PCDHGB4: variants seen among roughly 807,000 people sequenced by gnomAD.
PCDHGB4 encodes protocadherin gamma-B4.
In PCDHGB4, 38 loss-of-function variants were observed where a neutral mutation model predicts 60.5. That is an observed-to-expected ratio of 0.63 (90% CI 0.48 to 0.82). PCDHGB4 has a LOEUF of 0.82. Among genes scored for constraint, PCDHGB4 ranks in the 40% least tolerant of loss-of-function variants. PCDHGB4 has a pLI of 0.00. For synonymous variants in PCDHGB4, 456 were observed against 509.7 expected (o/e 0.89, Z 1.42); for missense variants, 1,109 against 1,209.6 (o/e 0.92, Z 1.23).
chr5:141,485,009 C>A lies in PCDHGB4; in HGVS notation c.2398-9798C>A, dbSNP rs531346426. 4 of 628,216 alleles carry A rather than the reference C, an allele frequency of 6.4e-6. No individual in the cohort carries two copies. Among genetic ancestry groups the A allele is most frequent in the African/African-American group, 3.7e-5 (2 of 54,100 alleles). 38.9% of individuals were successfully genotyped at this position (628,216 alleles called of 1,614,324 possible). On this transcript the variant is annotated intron_variant, in intron 1 of 3. Transcript: ENST00000519479. This position sits in a 1 kb window ranked among gnomAD's most constrained non-coding sequence, Gnocchi z 5.7. Reference sequence around the variant, plus strand: ...GGTGGTGAAAGGCAGACAAATCTACCCCGCCACCAGCAAAAACGGCGCGTA... The same window carrying A: ...GGTGGTGAAAGGCAGACAAATCTACACCGCCACCAGCAAAAACGGCGCGTA...
In PCDHGB4 at chr5:141,476,499, TC is replaced by T; in HGVS notation, c.2398-18307del. 1 of 1,614,110 alleles carries T rather than the reference TC, an allele frequency of 6.2e-7. No individual in the cohort carries two copies. Among genetic ancestry groups the T allele is most frequent in the Non-Finnish European group, 8.5e-7 (1 of 1,180,020 alleles). ...AGCGTGGAAGTGGTGATCCAGGACATCAACGACAACAATCCTGCTTTCCCTA... is the reference window on the plus strand; with the variant it reads ...AGCGTGGAAGTGGTGATCCAGGACATAACGACAACAATCCTGCTTTCCCTA... On this transcript the variant is annotated intron_variant, in intron 1 of 3. Transcript: ENST00000519479. The surrounding 1 kb of genome is among the most constrained non-coding windows in gnomAD (Gnocchi z 7.6).
At chr5:141,392,799 T>A in intron 1 of PCDHGB4, 1 of 1,570,210 alleles carries the variant, frequency 6.4e-7, no homozygotes, top group Non-Finnish European at 8.6e-7. Flanking sequence ...GAGAGGATTC[T>A]GCAGCAAAAC....
chr5:141,409,102 G>T, intron 1 of PCDHGB4: 2 of 1,613,996 alleles, frequency 1.2e-6, no homozygotes, highest in Non-Finnish European at 8.5e-7. Flanking sequence ...AAACAGGTAT[G>T]ATTAAGAATA....
At position 141,431,525 on chromosome 5, in the gene PCDHGB4, G is replaced by A. The variant is rs1390184616; in HGVS notation, c.2397+41244G>A. The A allele has an allele frequency of 5.6e-6, 9 of 1,613,956 alleles. No individual in the cohort carries two copies. Among genetic ancestry groups the A allele is most frequent in the Non-Finnish European group, 7.6e-6 (9 of 1,180,044 alleles). ...CCGCGCGAGCGTTCCGGAGAATCTG[G>A]CCTTGGGCACGCAGCTGCTTGTAGT... On this transcript the variant is annotated intron_variant, in intron 1 of 3. Transcript: ENST00000519479. This position sits in a 1 kb window ranked among gnomAD's most constrained non-coding sequence, Gnocchi z 4.8.
chr5:141,422,188 C>T, intron 1 of PCDHGB4: 1 of 1,561,742 alleles, frequency 6.4e-7, no homozygotes. Context: ...GATGGAAATT[C>T]AAGGCCAAGA....
intron 1 of PCDHGB4, chr5:141,393,707 T>A: frequency 6.2e-7 from 1 of 1,613,882 alleles, no homozygotes; most frequent in African/African-American, 1.3e-5. Flanking sequence ...ATGAAAATAC[T>A]GGGGAAATAT....
chr5:141,398,945 T>G, intron 1 of PCDHGB4: 3 of 1,613,974 alleles, frequency 1.9e-6, no homozygotes, highest in Non-Finnish European at 2.5e-6. Context: ...GACGAGGGCA[T>G]CAACTCAGAA....
chr5:141,501,453 C>T (rs567794395), intron 2 of PCDHGB4, among the ~76,000 whole-genome samples: 1 of 152,094 alleles, frequency 6.6e-6, no homozygotes, highest in Non-Finnish European at 1.5e-5. Flanking sequence ...TTTTACTTTT[C>T]ACTATTCCCC....
intron 1 of PCDHGB4, chr5:141,430,441 C>A (rs1168234012): frequency 5.2e-6 from 1 of 192,346 alleles, no homozygotes; most frequent in Non-Finnish European, 1.0e-5. Flanking sequence ...GATTTCCATC[C>A]CCTTTTGAAG....
At chr5:141,430,589 G>A in intron 1 of PCDHGB4, 1 of 529,266 alleles carries the variant, frequency 1.9e-6, no homozygotes, top group Non-Finnish European at 3.1e-6. Context: ...TGCTCGCCTT[G>A]CACGCGCCTG....
At position 141,480,524 on chromosome 5, in the gene PCDHGB4, AAAG is replaced by A. The variant is rs1342230573; in HGVS notation, c.2398-14282_2398-14280del. Among the ~76,000 whole-genome samples, 4 of 127,792 alleles carry A rather than the reference AAAG, an allele frequency of 3.1e-5. No homozygotes were observed. The East Asian group carries it at 7.7e-4, about 25-fold the overall frequency. 83.8% of individuals were successfully genotyped at this position (127,792 alleles called of 152,430 possible). On this transcript the variant is annotated intron_variant, in intron 1 of 3. Transcript: ENST00000519479. Reference sequence around the variant, plus strand: ...ACATATGAGAACAACCAAAAATGACAAAGTAGAAGCACATATGAAAAGGCTAAG... The same window carrying A: ...ACATATGAGAACAACCAAAAATGACATAGAAGCACATATGAAAAGGCTAAG...
chr5:141,431,699 T>C lies in PCDHGB4; in HGVS notation c.2397+41418T>C. ...GGAGTTGGACCACGAGGAGTCAGGA[T>C]TCTACCAGATGGAAGTGCAAGCAAT... is the stretch of plus-strand genomic sequence containing the variant. On this transcript the variant is annotated intron_variant, in intron 1 of 3. Coordinates refer to ENST00000519479, the MANE Select transcript of PCDHGB4 (RefSeq NM_003736.4). The surrounding 1 kb of genome is among the most constrained non-coding windows in gnomAD (Gnocchi z 4.8). 6.2e-7 allele frequency: 1 copy of C among 1,614,222 alleles called. No individual in the cohort carries two copies. Among genetic ancestry groups the C allele is most frequent in the South Asian group, 1.1e-5 (1 of 91,074 alleles).
chr5:141,415,048 G>C lies in PCDHGB4; in HGVS notation c.2397+24767G>C, dbSNP rs535976406. The C allele has an allele frequency of 5.0e-5, 80 of 1,613,320 alleles. 1 individual carries two copies. The Admixed American group carries it at 6.0e-4, about 12-fold the overall frequency. ...CGAGCCGGGACTCTTCGCGGTGGGG[G>C]AGCACACGGGCGAGGTGCGCACGGC... is the stretch of plus-strand genomic sequence containing the variant. On this transcript the variant is annotated intron_variant, in intron 1 of 3. Transcript: ENST00000519479.
At chr5:141,506,649 T>C (rs1487823663) in intron 3 of PCDHGB4, among the ~76,000 whole-genome samples, 1 of 152,114 alleles carries the variant, frequency 6.6e-6, no homozygotes, top group Admixed American at 6.6e-5. Context: ...CAGCACAGGA[T>C]TGGCAGAGAG....
chr5:141,470,650 T>C (rs2099235744), intron 1 of PCDHGB4, among the ~76,000 whole-genome samples: 1 of 152,184 alleles, frequency 6.6e-6, no homozygotes, highest in Non-Finnish European at 1.5e-5. Context: ...TGAAGGCCCC[T>C]ACCCTTTGGT....
Position 141,510,964 on chromosome 5 carries a change from T to C in PCDHGB4, c.2563T>C (p.Ser855Pro), listed in dbSNP as rs1237904575. 6.2e-7 allele frequency: 1 copy of C among 1,614,084 alleles called. No individual in the cohort carries two copies. Among genetic ancestry groups the C allele is most frequent in the South Asian group, 1.1e-5 (1 of 91,082 alleles). The change falls in exon 4 of 4, where the codon TCC becomes CCC. Residue 855 changes from serine to proline, a missense_variant. Coordinates refer to ENST00000519479, the MANE Select transcript of PCDHGB4 (RefSeq NM_003736.4). ...CTCTGCAGAAGCTGCTGATGGGAGC[T>C]CCACCCTGGGAGGGGGTGCCGGCAC... is the stretch of plus-strand genomic sequence containing the variant. The part of the protein sequence containing the change: ...ASASEAADGS[S>P]TLGGGAGTMG...
At chr5:141,399,779 G>T in intron 1 of PCDHGB4, 2 of 1,613,282 alleles carry the variant, frequency 1.2e-6, no homozygotes, top group South Asian at 1.1e-5. Flanking sequence ...GTGGGCGACC[G>T]AAACGACAAC....
At position 141,487,075 on chromosome 5, in the gene PCDHGB4, C is replaced by T. The variant is rs755563146; in HGVS notation, c.2398-7732C>T. The T allele has an allele frequency of 1.9e-6, 3 of 1,614,116 alleles. No individual in the cohort carries two copies. The highest frequency in any genetic ancestry group is 2.5e-6 in the Non-Finnish European group (3 of 1,179,982). ...GGGAGGTGCGGACGGCTGTTCCTATCCCAGCTGACCTCCCACCACAGAAGC... is the reference window on the plus strand; with the variant it reads ...GGGAGGTGCGGACGGCTGTTCCTATTCCAGCTGACCTCCCACCACAGAAGC... On this transcript the variant is annotated intron_variant, in intron 1 of 3. Transcript: ENST00000519479. This position sits in a 1 kb window ranked among gnomAD's most constrained non-coding sequence, Gnocchi z 5.0.
intron 1 of PCDHGB4, chr5:141,418,604 G>C: frequency 6.2e-7 from 1 of 1,614,040 alleles, no homozygotes; most frequent in African/African-American, 1.3e-5. Context: ...CGTGTACAGG[G>C]TTAGCCTTCG....
Sources: allele counts gnomAD v4.1 joint callset (sites outside exome capture counted in the v4.1 genomes callset), GRCh38; gene constraint gnomAD v4.1.1; non-coding constraint Gnocchi (gnomAD v3.1); transcripts MANE v1.5; gene names NCBI Gene and HGNC (gene_info 2026-07-23, HGNC 2026-07-21).